SLC25A19: variants seen among roughly 807,000 people sequenced by gnomAD.
SLC25A19 encodes the protein solute carrier family 25 member 19.
SLC25A19 carries 18 observed loss-of-function variants against 27.9 expected under a neutral mutation model. That is an observed-to-expected ratio of 0.64 (90% CI 0.45 to 0.96). The LOEUF is 0.96. Ranked by LOEUF, SLC25A19 falls within the 40% of genes least tolerant of loss-of-function variation. The probability of loss-of-function intolerance (pLI) is 0.00; values close to 1 mark genes in which losing one functional copy is unlikely to be tolerated. For synonymous variants in SLC25A19, 169 were observed against 167.1 expected, an observed-to-expected ratio of 1.01 and a Z score of -0.09; for missense variants, 371 against 418.3, an observed-to-expected ratio of 0.89 and a Z score of 0.99.
chr17:75,277,539 G>A, intron 6 of SLC25A19, 56 bp from the exon 7 acceptor site: 1 of 1,607,790 alleles, frequency 6.2e-7, no homozygotes, highest in Non-Finnish European at 8.5e-7. Flanking sequence ...GTCTATGGGT[G>A]ACAACTTAAA....
intron 7 of SLC25A19, among the ~76,000 whole-genome samples, chr17:75,275,011 CAG>C (rs1453549079): frequency 3.3e-5 from 3 of 89,614 alleles, no homozygotes; most frequent in African/African-American, 4.2e-5. Context: ...TTTTTTGAGA[CAG>C]AGTCTCACTC....
At chr17:75,283,772 C>T in intron 4 of SLC25A19, among the ~76,000 whole-genome samples, 179 bp from the exon 5 acceptor site, 1 of 152,174 alleles carries the variant, frequency 6.6e-6, no homozygotes, top group Middle Eastern at 3.2e-3. Context: ...CTACGCAAAA[C>T]TCGGATGCCA....
chr17:75,283,627 C>G, intron 4 of SLC25A19, 34 bp from the exon 5 acceptor site: 6 of 1,601,640 alleles, frequency 3.7e-6, no homozygotes, highest in Non-Finnish European at 4.3e-6. Flanking sequence ...ACCGACAGCC[C>G]AAAGGATGAG....
intron 5 of SLC25A19, among the ~76,000 whole-genome samples, chr17:75,280,193 A>G (rs2078004785): frequency 6.6e-6 from 1 of 151,826 alleles, no homozygotes; most frequent in Admixed American, 6.6e-5. Flanking sequence ...ATGGTGAATG[A>G]AACTCCATCT....
In SLC25A19 at chr17:75,283,509, C is replaced by A; in HGVS notation, c.373G>T (p.Gly125Cys). The A allele has an allele frequency of 1.2e-6, 2 of 1,613,758 alleles. No homozygotes were observed. The highest frequency in any genetic ancestry group is 1.7e-6 in the Non-Finnish European group (2 of 1,179,914). The change falls in exon 5 of 8, where the codon GGT (glycine) becomes TGT (cysteine). Residue 125 changes from glycine to cysteine, a missense_variant. Gly to Cys is a radical substitution (Grantham distance 159). Transcript: ENST00000416858. ...GTGGCCATACAGGCAGCCAGGCCACCACATACAAAGTGCACTGAGAATTCC... is the reference window on the plus strand; with the variant it reads ...GTGGCCATACAGGCAGCCAGGCCACAACATACAAAGTGCACTGAGAATTCC... ...AREFSVHFVC[G>C]GLAACMATLT...
At chr17:75,276,255 A>AC (rs1486035628) in intron 7 of SLC25A19, among the ~76,000 whole-genome samples, 1 of 152,248 alleles carries the variant, frequency 6.6e-6, no homozygotes, top group Non-Finnish European at 1.5e-5. Flanking sequence ...AGGCTGGGCA[A>AC]CAAGAGCAAA....
chr17:75,279,416 C>G (rs1021562357), intron 5 of SLC25A19, among the ~76,000 whole-genome samples: 2 of 151,992 alleles, frequency 1.3e-5, no homozygotes, highest in African/African-American at 2.4e-5. Flanking sequence ...CATCTCTTCC[C>G]CTCACTTTCA....
At chr17:75,278,440 CGA>C (rs2077953037) in intron 5 of SLC25A19, 105 bp from the exon 6 acceptor site, 3 of 1,254,184 alleles carry the variant, frequency 2.4e-6, no homozygotes, top group Non-Finnish European at 3.4e-6. Flanking sequence ...CTACCAGGAG[CGA>C]AACTCCTCCT....
intron 4 of SLC25A19, among the ~76,000 whole-genome samples, chr17:75,284,658 T>A (rs2078140208): frequency 1.3e-5 from 2 of 149,030 alleles, no homozygotes; most frequent in Admixed American, 6.7e-5. Flanking sequence ...TTTTTTTTTT[T>A]AGGGACAAGA....
intron 5 of SLC25A19, among the ~76,000 whole-genome samples, chr17:75,279,470 T>G (rs968533899): frequency 1.3e-5 from 2 of 151,750 alleles, no homozygotes; most frequent in African/African-American, 4.8e-5. Context: ...AAATCCAACA[T>G]GTCAATAGTT....
At chr17:75,283,150 A>C (rs2145769620) in intron 5 of SLC25A19, among the ~76,000 whole-genome samples, 2 of 151,180 alleles carry the variant, frequency 1.3e-5, no homozygotes, top group South Asian at 4.2e-4. Flanking sequence ...ATACAAAAAA[A>C]ATTAGCCAGG....
intron 5 of SLC25A19, among the ~76,000 whole-genome samples, chr17:75,278,947 C>G (rs2077967713): frequency 6.6e-6 from 1 of 151,828 alleles, no homozygotes; most frequent in African/African-American, 2.4e-5. Context: ...TGTACCACGG[C>G]ACTCCAACCT....
chr17:75,276,812 C>T (rs1195401860), intron 7 of SLC25A19, among the ~76,000 whole-genome samples: 1 of 149,514 alleles, frequency 6.7e-6, no homozygotes, highest in Non-Finnish European at 1.5e-5. Flanking sequence ...GTAGCTGGGA[C>T]TACACGTGCC....
intron 5 of SLC25A19, among the ~76,000 whole-genome samples, chr17:75,280,718 C>T (rs571676853): frequency 2.0e-5 from 3 of 151,750 alleles, no homozygotes; most frequent in Non-Finnish European, 2.9e-5. Flanking sequence ...GAGGCTGAGG[C>T]GGGAGAATCA....
At chr17:75,273,988 C>T (rs545627339) in intron 7 of SLC25A19, 31 of 332,978 alleles carry the variant, frequency 9.3e-5, no homozygotes, top group African/African-American at 6.0e-4. Flanking sequence ...TCTTGAACTC[C>T]TGACCTCAGG....
chr17:75,280,126 G>A (rs1360930817), intron 5 of SLC25A19, among the ~76,000 whole-genome samples: 2 of 152,078 alleles, frequency 1.3e-5, no homozygotes, highest in Non-Finnish European at 2.9e-5. Context: ...CAGCACTTTG[G>A]GAAGCCAAGG....
At chr17:75,285,937 CAT>C (rs1175824616) in intron 4 of SLC25A19, among the ~76,000 whole-genome samples, 2 of 152,206 alleles carry the variant, frequency 1.3e-5, no homozygotes, top group Non-Finnish European at 2.9e-5. Flanking sequence ...CTGAGATCCA[CAT>C]GACAGCTACC....
At chr17:75,277,731 C>A (rs914980792) in intron 6 of SLC25A19, among the ~76,000 whole-genome samples, 3 of 152,100 alleles carry the variant, frequency 2.0e-5, no homozygotes, top group African/African-American at 7.2e-5. Context: ...CAGCTGGAGG[C>A]AACATGGGCC....
Position 75,280,685 on chromosome 17 carries a change from C to T in SLC25A19, c.460-2350G>A, listed in dbSNP as rs113664454. Among the ~76,000 whole-genome samples the T allele has an allele frequency of 2.8e-3, 429 of 150,928 alleles. 2 individuals are homozygous for T. Among genetic ancestry groups the T allele is most frequent in the African/African-American group, 8.8e-3 (363 of 41,088 alleles). ...AAAATTAGCCAGGCGCGGTGGTGGG[C>T]GCCTGTAATCCCAACTACTTGGGAG... is the stretch of plus-strand genomic sequence containing the variant. On this transcript the variant is annotated intron_variant, in intron 5 of 7. Coordinates refer to ENST00000416858, the MANE Select transcript of SLC25A19 (RefSeq NM_001126121.2).
Sources: allele counts gnomAD v4.1 joint callset (sites outside exome capture counted in the v4.1 genomes callset), GRCh38; gene constraint gnomAD v4.1.1; transcripts MANE v1.5; gene names NCBI Gene and HGNC (gene_info 2026-07-23, HGNC 2026-07-21).